Variants in MID2 observed in about 807,000 individuals in gnomAD.
The protein encoded by MID2 is midline 2.
A neutral mutation model predicts 46.1 loss-of-function variants in MID2; 13 were observed. That is an observed-to-expected ratio of 0.28 (90% CI 0.18 to 0.45). MID2 has a LOEUF of 0.45. MID2 is among the 20% of genes least tolerant of loss of function. The probability of loss-of-function intolerance (pLI) is 1.00; values close to 1 mark genes in which losing one functional copy is unlikely to be tolerated. For missense variants in MID2, 431 were observed against 575.4 expected (o/e 0.75, Z 2.57); for synonymous variants, 199 against 212.3 (o/e 0.94, Z 0.55).
intron 3 of MID2, among the ~76,000 whole-genome samples, chrX:107,885,102 C>CTTAT (rs758914133): frequency 0.014 from 1,521 of 105,465 alleles, 23 homozygotes; most frequent in African/African-American, 0.04. Flanking sequence ...AGGAGAATCT[C>CTTAT]TTATTTATTT....
chrX:107,884,557 C>CA (rs1237489793), intron 3 of MID2, among the ~76,000 whole-genome samples: 1 of 112,401 alleles, frequency 8.9e-6, no homozygotes, highest in Admixed American at 9.4e-5. Context: ...ACAATCCAGA[C>CA]TTTTTCCCAC....
At position 107,887,008 on chromosome X, in the gene MID2, C is replaced by T. The variant is rs1857110867; in HGVS notation, c.817-16950C>T. On this transcript the variant is annotated intron_variant, in intron 3 of 9. Coordinates refer to ENST00000262843, the MANE Select transcript of MID2 (RefSeq NM_012216.4). Reference sequence around the variant, plus strand: ...GACTTTGCTGAAGTTGCTTATCAGCCTAAGGAGATTTTGGGCTGAGATGAT... The same window carrying T: ...GACTTTGCTGAAGTTGCTTATCAGCTTAAGGAGATTTTGGGCTGAGATGAT... 1.8e-5 allele frequency among the ~76,000 whole-genome samples: 2 copies of T among 111,721 alleles called. 1 individual carries two copies. Among genetic ancestry groups the T allele is most frequent in the Non-Finnish European group, 3.8e-5 (2 of 53,056 alleles).
intron 3 of MID2, among the ~76,000 whole-genome samples, chrX:107,891,242 C>T (rs1433597726): frequency 5.6e-5 from 6 of 107,328 alleles, no homozygotes; most frequent in East Asian, 2.9e-4. Context: ...TGTTCCTATT[C>T]GGCCATCTTG....
chrX:107,889,075 A>G (rs764203288), intron 3 of MID2, among the ~76,000 whole-genome samples: 2,148 of 110,803 alleles, frequency 0.019, 53 homozygotes, highest in African/African-American at 0.066. Flanking sequence ...TCTTTATCCA[A>G]TTTGCCAGTC....
Position 107,926,201 on chromosome X carries a change from C to A in MID2, c.1705C>A (p.Pro569Thr), listed in dbSNP as rs1380173027. The change falls in exon 9 of 10, where the codon CCA (proline) becomes ACA (threonine). Residue 569 changes from proline (P) to threonine (T), a missense_variant. Physicochemically the swap from Pro to Thr is conservative, Grantham distance 38. Coordinates refer to ENST00000262843, the MANE Select transcript of MID2 (RefSeq NM_012216.4). ...AAGCTCTCTAAAGAAGAGCCACACC[C>A]CAGAGAGGTTTAGTGGCACAGGGTG... ...DESSLKKSHT[P>T]ERFSGTGCYG... The A allele has an allele frequency of 8.3e-7, 1 of 1,205,944 alleles. No homozygotes were observed. The highest frequency in any genetic ancestry group is 1.1e-6 in the Non-Finnish European group (1 of 892,534).
chrX:107,899,176 T>TC (rs1388178099), intron 3 of MID2, among the ~76,000 whole-genome samples: 124 of 35,849 alleles, frequency 3.5e-3, no homozygotes, highest in African/African-American at 4.8e-3. Flanking sequence ...CCCTGCCCCC[T>TC]CCCCCTCCCC....
At chrX:107,857,304 G>A (rs1196781406) in intron 3 of MID2, among the ~76,000 whole-genome samples, 2 of 98,810 alleles carry the variant, frequency 2.0e-5, no homozygotes, top group African/African-American at 7.5e-5. Context: ...TTTTTGAGAT[G>A]GAATCTCGCT....
chrX:107,839,496 C>T (rs750874933), intron 1 of MID2, among the ~76,000 whole-genome samples: 24 of 109,574 alleles, frequency 2.2e-4, no homozygotes, highest in East Asian at 2.9e-4. Flanking sequence ...TTCAGCCTCC[C>T]GAGTAGCTGG....
rs1214173864 is a variant in MID2, at chrX:107,840,950, G to A, written c.285G>A (p.Arg95=). ...ACCGGGGCCTGGATGGCCTCAAGAG[G>A]AATGTGACTCTGCAGAACATTATTG... ...LNHRGLDGLK[R]NVTLQNIIDR... Residue 95 remains arginine (R), a synonymous_variant, in exon 2 of 10, where the codon AGG becomes AGA. Coordinates refer to ENST00000262843, the MANE Select transcript of MID2 (RefSeq NM_012216.4). 1 of 1,211,664 alleles carries A rather than the reference G, an allele frequency of 8.3e-7. No individual in the cohort carries two copies. The highest frequency in any genetic ancestry group is 1.1e-6 in the Non-Finnish European group (1 of 895,506).
chrX:107,917,535 C>G lies in MID2; in HGVS notation c.1231C>G (p.Leu411Val), dbSNP rs747976072. ...AAACCCACCATCTATCCGAGAAGAA[C>G]TCTGTACTGCCTCCCATGACACCAT... ...APNPPSIREE[L>V]CTASHDTITV... The change falls in exon 7 of 10, where the codon CTC (leucine) becomes GTC (valine). Residue 411 changes from leucine (L) to valine (V), a missense_variant. Leu to Val is a conservative substitution (Grantham distance 32). Coordinates refer to ENST00000262843, the MANE Select transcript of MID2 (RefSeq NM_012216.4). 8.3e-7 allele frequency: 1 copy of G among 1,210,911 alleles called. No homozygotes were observed. Among genetic ancestry groups the G allele is most frequent in the Admixed American group, 2.2e-5 (1 of 46,013 alleles).
chrX:107,877,149 C>G (rs143907996), intron 3 of MID2, among the ~76,000 whole-genome samples: 1 of 112,154 alleles, frequency 8.9e-6, no homozygotes, highest in African/African-American at 3.2e-5. Flanking sequence ...CAGCAAAGGT[C>G]TGGATTACTT....
At chrX:107,877,867 G>C (rs961340859) in intron 3 of MID2, among the ~76,000 whole-genome samples, 2 of 110,883 alleles carry the variant, frequency 1.8e-5, no homozygotes, top group African/African-American at 6.6e-5. Context: ...TGCATCAGTG[G>C]GTGCATGGAT....
At chrX:107,902,820 C>G (rs1021820391) in intron 3 of MID2, among the ~76,000 whole-genome samples, 7 of 111,342 alleles carry the variant, frequency 6.3e-5, no homozygotes, top group Admixed American at 5.7e-4. Context: ...AACCCATTGT[C>G]TGTTCCTCAG....
intron 2 of MID2, among the ~76,000 whole-genome samples, chrX:107,845,588 T>A (rs756822832): frequency 3.2e-4 from 34 of 105,122 alleles, no homozygotes; most frequent in African/African-American, 1.2e-3. Context: ...AAGCTAATGA[T>A]TGCCAGACAA....
At chrX:107,845,523 A>T (rs180954108) in intron 2 of MID2, among the ~76,000 whole-genome samples, 8,348 of 84,081 alleles carry the variant, frequency 0.099, 480 homozygotes, top group African/African-American at 0.19. Context: ...ACACACACAC[A>T]CACTCTCTCT....
intron 3 of MID2, among the ~76,000 whole-genome samples, chrX:107,897,156 C>T (rs770437865): frequency 2.7e-5 from 3 of 111,631 alleles, no homozygotes; most frequent in Non-Finnish European, 3.8e-5. Flanking sequence ...GAAGGCCTCA[C>T]GTAGCATGAG....
Position 107,893,557 on chromosome X carries a change from G to A in MID2, c.817-10401G>A, listed in dbSNP as rs180725442. Among the ~76,000 whole-genome samples, 8 of 112,292 alleles carry A rather than the reference G, an allele frequency of 7.1e-5. No individual in the cohort carries two copies. The East Asian group carries it at 1.4e-3, about 20-fold the overall frequency. On this transcript the variant is annotated intron_variant, in intron 3 of 9. Coordinates refer to ENST00000262843, the MANE Select transcript of MID2 (RefSeq NM_012216.4). Reference sequence around the variant, plus strand: ...CAATTTAAAACTTTTAAAAAGGAACGATTAAGTAGATATATTTTATCTTGT... The same window carrying A: ...CAATTTAAAACTTTTAAAAAGGAACAATTAAGTAGATATATTTTATCTTGT...
At position 107,866,501 on chromosome X, in the gene MID2, C is replaced by T. The variant is rs562081975; in HGVS notation, c.816+11797C>T. Among the ~76,000 whole-genome samples, 3 of 107,515 alleles carry T rather than the reference C, an allele frequency of 2.8e-5. No individual in the cohort carries two copies. In the South Asian group the frequency reaches 1.3e-3, roughly 46 times the overall value. The allele number at this position is 107,515 out of a possible 115,157, so 93.4% of individuals were successfully genotyped here. On this transcript the variant is annotated intron_variant, in intron 3 of 9. Transcript: ENST00000262843. The stretch of plus-strand genomic sequence containing the variant: ...CAACACTGACCTACAGTGAGTACTG[C>T]CAAACCCCATGCTAACCCAGTGACA...
intron 2 of MID2, among the ~76,000 whole-genome samples, chrX:107,842,663 T>C (rs1205836118): frequency 8.9e-6 from 1 of 112,413 alleles, no homozygotes; most frequent in Non-Finnish European, 1.9e-5. Flanking sequence ...TTTGTGCCTC[T>C]TTTGGTTATT....
Sources: gnomAD v4.1 joint callset for allele counts (sites outside exome capture counted in the v4.1 genomes callset) on GRCh38, gnomAD v4.1.1 for gene constraint, MANE v1.5 for transcripts, NCBI Gene and HGNC (gene_info 2026-07-23, HGNC 2026-07-21) for gene names.